Variants in CRACR2A observed in about 807,000 individuals in gnomAD.
CRACR2A encodes the protein EF-hand calcium-binding domain-containing protein 4B.
CRACR2A carries 79 observed loss-of-function variants against 90.5 expected under a neutral mutation model. The observed-to-expected ratio is 0.87, with a 90% CI of 0.73 to 1.05. The LOEUF is 1.05. Among genes scored for constraint, CRACR2A ranks in the 50% least tolerant of loss-of-function variants. The pLI is 0.00. For missense variants in CRACR2A, 823 were observed against 897.2 expected (o/e 0.92, Z 1.06); for synonymous variants, 338 against 356.7 (o/e 0.95, Z 0.59).
chr12:3,697,161 T>C, intron 3 of CRACR2A, 126 bp from the exon 4 acceptor site: 2 of 1,162,282 alleles, frequency 1.7e-6, no homozygotes, highest in Admixed American at 2.9e-5. Context: ...TCTTAGCAAC[T>C]ACCTCTTAAT....
chr12:3,694,428 G>A (rs544977749), intron 4 of CRACR2A, among the ~76,000 whole-genome samples: 1 of 152,328 alleles, frequency 6.6e-6, no homozygotes, highest in East Asian at 1.9e-4. Context: ...TATGAAAAAT[G>A]TGAGTTCTTT....
In CRACR2A at chr12:3,711,640, C is replaced by G. The variant is rs935773157; in HGVS notation, c.-37+1597G>C. Among the ~76,000 whole-genome samples, 8 of 138,028 alleles carry G rather than the reference C, an allele frequency of 5.8e-5. No individual in the cohort carries two copies. The highest frequency in any genetic ancestry group is 4.8e-5 in the Non-Finnish European group (3 of 62,854). The allele number at this position is 138,028 out of a possible 152,430, so 90.6% of individuals were successfully genotyped here. ...GATTGAGGCCTTCTCTACAGCTCTT[C>G]TCTTCTTCTGAGCCCTCACCAGAAC... On this transcript the variant is annotated intron_variant, in intron 3 of 19. Coordinates refer to ENST00000440314, the MANE Select transcript of CRACR2A (RefSeq NM_001144958.2). The surrounding 1 kb of genome is among the most constrained non-coding windows in gnomAD (Gnocchi z 4.3).
At chr12:3,704,995 C>A (rs548560908) in intron 3 of CRACR2A, among the ~76,000 whole-genome samples, 59 of 152,264 alleles carry the variant, frequency 3.9e-4, no homozygotes, top group Admixed American at 2.6e-3. Flanking sequence ...AAAGTGGAAG[C>A]CCTGCATGAG....
chr12:3,636,894 G>GA (rs11436100), intron 14 of CRACR2A, among the ~76,000 whole-genome samples: 92,912 of 152,110 alleles, frequency 0.61, 28,953 homozygotes, highest in African/African-American at 0.73. Context: ...CAGCCACTGG[G>GA]AAAAGTTCAA....
At chr12:3,654,548 T>A in intron 9 of CRACR2A, 149 bp from the exon 10 acceptor site, 1 of 699,124 alleles carries the variant, frequency 1.4e-6, no homozygotes, top group Non-Finnish European at 2.3e-6. Flanking sequence ...AGCATTGTCC[T>A]CTCCTCAGTT....
intron 4 of CRACR2A, among the ~76,000 whole-genome samples, chr12:3,685,630 A>T (rs979584473): frequency 7.2e-5 from 11 of 152,250 alleles, no homozygotes; most frequent in Non-Finnish European, 1.6e-4. Context: ...AGCCAGTCTC[A>T]AAAGGACAAA....
chr12:3,747,140 C>G (rs1025881020), intron 1 of CRACR2A, among the ~76,000 whole-genome samples: 13 of 152,200 alleles, frequency 8.5e-5, no homozygotes, highest in African/African-American at 3.1e-4. Context: ...GGACTTGGCC[C>G]TAGAGCCAGA....
At chr12:3,696,668 A>G (rs1443775290) in intron 4 of CRACR2A, 104 bp downstream of exon 4, 1 of 1,508,228 alleles carries the variant, frequency 6.6e-7, no homozygotes, top group African/African-American at 1.4e-5. Context: ...AACTGGTGGC[A>G]TCTTTTCTGT....
chr12:3,654,069 T>C (rs1057429004), intron 10 of CRACR2A, 143 bp downstream of exon 10: 5 of 832,274 alleles, frequency 6.0e-6, no homozygotes, highest in African/African-American at 1.7e-5. Flanking sequence ...CCTAGAGGAG[T>C]GTTAGAAGAG....
chr12:3,648,082 A>T, intron 11 of CRACR2A: 1 of 996,244 alleles, frequency 1.0e-6, no homozygotes, highest in Non-Finnish European at 1.2e-6. Flanking sequence ...TTCTGGCCCC[A>T]TCAGAGAGTA....
At position 3,752,856 on chromosome 12, in the gene CRACR2A, C is replaced by T. The variant is rs540051229; in HGVS notation, c.-387+159G>A. On this transcript the variant is annotated intron_variant, in intron 1 of 19. Coordinates refer to ENST00000440314, the MANE Select transcript of CRACR2A (RefSeq NM_001144958.2). ...GCCAGGCCTGGGGGTGGCAGGGGAG[C>T]CAGCTGTTCCCCCCCAAGGGCACAC... 3.6e-4 allele frequency among the ~76,000 whole-genome samples: 55 copies of T among 151,680 alleles called. No individual in the cohort carries two copies. In the Middle Eastern group the frequency reaches 0.02, roughly 56 times the overall value.
intron 2 of CRACR2A, among the ~76,000 whole-genome samples, chr12:3,722,510 T>C (rs1438353775): frequency 6.6e-6 from 1 of 152,110 alleles, no homozygotes; most frequent in East Asian, 1.9e-4. Flanking sequence ...GCACAGCCAC[T>C]CGAGAACGAA....
intron 1 of CRACR2A, among the ~76,000 whole-genome samples, chr12:3,744,432 G>A (rs779200930): frequency 1.4e-4 from 21 of 152,192 alleles, no homozygotes; most frequent in Non-Finnish European, 2.8e-4. Flanking sequence ...GCTTGACTCT[G>A]TACAATGACA....
At chr12:3,709,298 A>G (rs960294113) in intron 3 of CRACR2A, among the ~76,000 whole-genome samples, 6 of 152,386 alleles carry the variant, frequency 3.9e-5, no homozygotes, top group African/African-American at 1.4e-4. Flanking sequence ...AGGAAATGAA[A>G]GTCAGCTATG....
chr12:3,663,041 T>C (rs977922268), intron 7 of CRACR2A, among the ~76,000 whole-genome samples: 1 of 152,184 alleles, frequency 6.6e-6, no homozygotes, highest in African/African-American at 2.4e-5. Context: ...GATGACAGCA[T>C]ATGTCTTCAT....
intron 17 of CRACR2A, among the ~76,000 whole-genome samples, chr12:3,624,443 T>G (rs1349419960): frequency 6.6e-6 from 1 of 152,240 alleles, no homozygotes; most frequent in Non-Finnish European, 1.5e-5. Flanking sequence ...CTGACACCTC[T>G]GATTGCTGGT....
intron 15 of CRACR2A, among the ~76,000 whole-genome samples, chr12:3,632,912 T>A (rs1425422159): frequency 1.3e-5 from 2 of 152,202 alleles, no homozygotes; most frequent in South Asian, 2.1e-4. Context: ...AGCTGAAAGG[T>A]CCATATGCCC....
chr12:3,673,060 C>T (rs923234288), intron 7 of CRACR2A, among the ~76,000 whole-genome samples: 5 of 152,184 alleles, frequency 3.3e-5, no homozygotes, highest in African/African-American at 1.2e-4. Context: ...CTAGCTCACT[C>T]CCAGTCCTGG....
At chr12:3,735,145 T>C (rs10848915) in intron 1 of CRACR2A, among the ~76,000 whole-genome samples, 41,032 of 151,942 alleles carry the variant, frequency 0.27, 6,354 homozygotes, top group African/African-American at 0.43. Flanking sequence ...AATATACACA[T>C]ATATATCAAA....
Sources: gnomAD v4.1 joint callset for allele counts (sites outside exome capture counted in the v4.1 genomes callset) on GRCh38, gnomAD v4.1.1 for gene constraint, Gnocchi (gnomAD v3.1) non-coding constraint, MANE v1.5 for transcripts, NCBI Gene and HGNC (gene_info 2026-07-23, HGNC 2026-07-21) for gene names.